The following DMAC2 variants were observed in gnomAD, a reference collection of about 807,000 sequenced individuals.
DMAC2 encodes the protein distal membrane-arm assembly complex protein 2.
Under a neutral mutation model 29.6 loss-of-function variants are expected in DMAC2, and 32 were observed. The ratio of observed to expected loss-of-function variants is 1.08; its 90% CI spans 0.81 to 1.45. The LOEUF is 1.45. Among genes scored for constraint, DMAC2 ranks in the 40% most tolerant of loss-of-function variants. The probability of loss-of-function intolerance (pLI) is 0.00; values close to 1 mark genes in which losing one functional copy is unlikely to be tolerated. For synonymous variants in DMAC2, 133 were observed against 137.4 expected (o/e 0.97, Z 0.23); for missense variants, 319 against 340.0 (o/e 0.94, Z 0.49).
At chr19:41,439,729 C>T (rs1391511436) in intron 1 of DMAC2, 153 bp downstream of exon 1, 29 of 1,385,556 alleles carry the variant, frequency 2.1e-5, no homozygotes, top group Non-Finnish European at 2.4e-5. Flanking sequence ...CTGGCCCCCA[C>T]TAGCCACAGG....
intron 3 of DMAC2, among the ~76,000 whole-genome samples, chr19:41,434,819 A>T (rs1828019795): frequency 6.6e-6 from 1 of 152,072 alleles, no homozygotes; most frequent in Non-Finnish European, 1.5e-5. Context: ...AGCCTGGCCA[A>T]CATGGTAAAA....
Position 41,433,556 on chromosome 19 carries a change from G to A in DMAC2, c.414C>T (p.Tyr138=), listed in dbSNP as rs1216939060. The A allele has an allele frequency of 1.4e-5, 23 of 1,614,048 alleles. No homozygotes were observed. The highest frequency in any genetic ancestry group is 5.3e-5 in the African/African-American group (4 of 74,912). ...AVDAGDCDIN[Y]EGLDNLLRLK... is the part of the protein sequence containing the mutation. ...ACTCACGGAGGTTATCCAGGCCCTC[G>A]TAGTTGATGTCACAGTCACCGGCAT... The change falls in exon 4 of 6, where the codon TAC becomes TAT. Residue 138 remains tyrosine (Y), a synonymous_variant. Coordinates refer to ENST00000221943, the MANE Select transcript of DMAC2 (RefSeq NM_018035.3).
At chr19:41,439,149 A>G in intron 1 of DMAC2, 1 of 274,154 alleles carries the variant, frequency 3.6e-6, no homozygotes, top group Admixed American at 5.1e-5. Context: ...GAAGCCCCCA[A>G]ACTCTTCAAT....
chr19:41,435,603 T>C (rs1203090304), intron 3 of DMAC2, among the ~76,000 whole-genome samples: 1 of 151,880 alleles, frequency 6.6e-6, no homozygotes, highest in Non-Finnish European at 1.5e-5. Flanking sequence ...TCTCCCTGTG[T>C]TGCCCAGGCT....
Position 41,432,117 on chromosome 19 carries a change from C to T in DMAC2, c.*114G>A. ...GCTCTCTCCTGTGATTGGCCAGCAC[C>T]ACTCCCCCACCCTGACGTTGAGTGA... On this transcript the variant is annotated 3_prime_UTR_variant, in exon 6 of 6. Transcript: ENST00000221943. 2 of 1,240,708 alleles carry T rather than the reference C, an allele frequency of 1.6e-6. No individual in the cohort carries two copies. The highest frequency in any genetic ancestry group is 2.3e-6 in the Non-Finnish European group (2 of 881,700). The allele number at this position is 1,240,708 out of a possible 1,614,324, so 76.9% of individuals were successfully genotyped here.
At chr19:41,434,017 G>A (rs1257157166) in intron 3 of DMAC2, among the ~76,000 whole-genome samples, 4 of 152,086 alleles carry the variant, frequency 2.6e-5, no homozygotes, top group Non-Finnish European at 5.9e-5. Context: ...CGGACTACGA[G>A]GTCAGGAGAT....
At chr19:41,439,531 C>T (rs2040044373) in intron 1 of DMAC2, 3 of 1,533,720 alleles carry the variant, frequency 2.0e-6, no homozygotes, top group Non-Finnish European at 1.7e-6. Context: ...CCCTTCCAAG[C>T]TCTCTTATCC....
chr19:41,432,221 G>C lies in DMAC2; in HGVS notation c.*10C>G. ...CTGAGAAGCCACGTGAGTGGGGACA[G>C]GGCTAAAGGCTAGGCAGGGACAGGG... On this transcript the variant is annotated 3_prime_UTR_variant, in exon 6 of 6. Transcript: ENST00000221943. 1 of 1,612,048 alleles carries C rather than the reference G, an allele frequency of 6.2e-7. No individual in the cohort carries two copies. Among genetic ancestry groups the C allele is most frequent in the Non-Finnish European group, 8.5e-7 (1 of 1,178,948 alleles).
chr19:41,433,761 T>C lies in DMAC2; in HGVS notation c.297-88A>G. The C allele has an allele frequency of 5.3e-6, 8 of 1,518,940 alleles. No individual in the cohort carries two copies. In the South Asian group the frequency reaches 9.5e-5, roughly 18 times the overall value. The allele number at this position is 1,518,940 out of a possible 1,614,324, so 94.1% of individuals were successfully genotyped here. ...CAGAACCTTCCCCAGCCCTATATAA[T>C]ATGTATAGGTCACCCTTGACATAAC... On this transcript the variant is annotated intron_variant, in intron 3 of 5. Transcript: ENST00000221943.
intron 1 of DMAC2, 82 bp downstream of exon 1, chr19:41,439,800 C>T (rs1462156428): frequency 6.2e-7 from 1 of 1,601,616 alleles, no homozygotes; most frequent in African/African-American, 1.3e-5. Flanking sequence ...TTTCTGCTCT[C>T]GTGGCCGCCA....
At chr19:41,436,753 G>C (rs1397572034) in intron 2 of DMAC2, among the ~76,000 whole-genome samples, 1 of 152,236 alleles carries the variant, frequency 6.6e-6, no homozygotes, top group East Asian at 1.9e-4. Flanking sequence ...GCAAACTGCA[G>C]AGAATGTCAA....
chr19:41,434,870 G>A (rs1180007003), intron 3 of DMAC2, among the ~76,000 whole-genome samples: 1 of 151,924 alleles, frequency 6.6e-6, no homozygotes, highest in Non-Finnish European at 1.5e-5. Context: ...GCCGGGCGTG[G>A]TAGTGTGCAC....
intron 3 of DMAC2, 24 bp from the exon 4 acceptor site, chr19:41,433,697 A>T (rs782310524): frequency 2.5e-6 from 4 of 1,614,008 alleles, no homozygotes; most frequent in Non-Finnish European, 3.4e-6. Flanking sequence ...AGGGAGTGTC[A>T]GCAGGGCACC....
rs782363122 is a variant in DMAC2 at position 41,433,355 on chromosome 19, T to G, written c.513A>C (p.Pro171=). 13 of 1,612,364 alleles carry G rather than the reference T, an allele frequency of 8.1e-6. No individual in the cohort carries two copies. Among genetic ancestry groups the G allele is most frequent in the Non-Finnish European group, 1.1e-5 (13 of 1,179,764 alleles). Residue 171 remains proline (P), a synonymous_variant, in exon 5 of 6, where the codon CCA becomes CCC. Coordinates refer to ENST00000221943, the MANE Select transcript of DMAC2 (RefSeq NM_018035.3). ...AGAGCTCCTGCAACGAGTCGGCCAG[T>G]GGGTAGAGGCGGCTGAGACACCAGT... ...VDDWCLSRLY[P]LADSLQELSL...
chr19:41,432,779 C>CGTGTGTGT (rs1371107416), intron 5 of DMAC2: 1 of 303,390 alleles, frequency 3.3e-6, no homozygotes. Context: ...TACAGGACAG[C>CGTGTGTGT]GTGCGTGTGT....
Position 41,432,560 on chromosome 19 carries a change from A to AGTGTGTGTGTGT in DMAC2, c.597-153_597-152insACACACACACAC, listed in dbSNP as rs1352724453. 5.0e-6 allele frequency: 3 copies of AGTGTGTGTGTGT among 602,968 alleles called. No individual in the cohort carries two copies. The African/African-American group carries it at 7.3e-5, about 15-fold the overall frequency. The allele number at this position is 602,968 out of a possible 1,614,324, so 37.4% of individuals were successfully genotyped here. The stretch of plus-strand genomic sequence containing the variant: ...GTGTGTGTATAGGGAGGTACAGGAC[A>AGTGTGTGTGTGT]GTGTGTGCGTGTGTGTGTGTGTGTG... On this transcript the variant is annotated intron_variant, in intron 5 of 5. Coordinates refer to ENST00000221943, the MANE Select transcript of DMAC2 (RefSeq NM_018035.3).
chr19:41,434,504 A>C (rs1195839081), intron 3 of DMAC2, among the ~76,000 whole-genome samples: 1 of 152,110 alleles, frequency 6.6e-6, no homozygotes, highest in African/African-American at 2.4e-5. Context: ...AAAATGCAAG[A>C]ATCCTTGTAG....
In DMAC2 at chr19:41,432,532, C is replaced by T. The variant is rs139861783; in HGVS notation, c.597-124G>A. ...GGCAGGTAAGCCAGTGTAAGGACAG[C>T]GTGTGTGTGTATAGGGAGGTACAGG... On this transcript the variant is annotated intron_variant, in intron 5 of 5. Coordinates refer to ENST00000221943, the MANE Select transcript of DMAC2 (RefSeq NM_018035.3). 5.8e-4 allele frequency: 466 copies of T among 806,770 alleles called. 1 individual carries two copies. The highest frequency in any genetic ancestry group is 7.9e-4 in the Non-Finnish European group (415 of 522,568). The allele number at this position is 806,770 out of a possible 1,614,324, so 50.0% of individuals were successfully genotyped here. A position where few individuals can be genotyped will look rare whatever the true frequency, so the allele number is the denominator to read the frequency against.
chr19:41,437,326 G>A (rs1555771532), intron 2 of DMAC2, among the ~76,000 whole-genome samples: 1 of 152,084 alleles, frequency 6.6e-6, no homozygotes, highest in Non-Finnish European at 1.5e-5. Flanking sequence ...AACCCAGGAG[G>A]TGGAGATTGC....
Sources: gnomAD v4.1 joint callset for allele counts (sites outside exome capture counted in the v4.1 genomes callset) on GRCh38, gnomAD v4.1.1 for gene constraint, MANE v1.5 for transcripts, NCBI Gene and HGNC (gene_info 2026-07-23, HGNC 2026-07-21) for gene names.